The following CACNA1B variants were observed in gnomAD, a reference collection of about 807,000 sequenced individuals.
CACNA1B encodes the protein voltage-dependent N-type calcium channel subunit alpha-1B.
A neutral mutation model predicts 247.2 loss-of-function variants in CACNA1B; 70 were observed. The ratio of observed to expected loss-of-function variants is 0.28; its 90% CI spans 0.23 to 0.35. The LOEUF is 0.35. CACNA1B is among the 10% of genes least tolerant of loss of function. The pLI is 1.00. For synonymous variants in CACNA1B, 1,231 were observed against 1,294.4 expected, an observed-to-expected ratio of 0.95 and a Z score of 1.05; for missense variants, 2,367 against 3,197.4, an observed-to-expected ratio of 0.74 and a Z score of 6.26.
rs199714779 is a variant in CACNA1B at position 138,058,721 on chromosome 9, G to A, written c.4461G>A (p.Val1487=). 71 of 1,605,764 alleles carry A rather than the reference G, an allele frequency of 4.4e-5. No homozygotes were observed. Among genetic ancestry groups the A allele is most frequent in the Non-Finnish European group, 5.6e-5 (66 of 1,176,134 alleles). Reference sequence around the variant, plus strand: ...CCATGATAGCCCTCAACACTGTGGTGCTGATGATGAAGGTGTGTGGGGCTC... The same window carrying A: ...CCATGATAGCCCTCAACACTGTGGTACTGATGATGAAGGTGTGTGGGGCTC... ...IMAMIALNTV[V]LMMKFYDAPY... is the part of the protein sequence containing the mutation. Residue 1487 remains valine, a synonymous_variant, in exon 29 of 47, where the codon GTG becomes GTA. Transcript: ENST00000371372. The surrounding 1 kb of genome is among the most constrained non-coding windows in gnomAD (Gnocchi z 4.7).
chr9:137,878,769 G>T (rs1166441060), intron 1 of CACNA1B, among the ~76,000 whole-genome samples: 2 of 152,162 alleles, frequency 1.3e-5, no homozygotes, highest in Non-Finnish European at 2.9e-5. Flanking sequence ...CCCTGGAGTC[G>T]GGCGGAGCCG....
intron 3 of CACNA1B, among the ~76,000 whole-genome samples, chr9:137,901,471 G>T (rs188132965): frequency 6.6e-6 from 1 of 151,774 alleles, no homozygotes; most frequent in Non-Finnish European, 1.5e-5. Context: ...GATTACAGGC[G>T]CATACCACCA....
At chr9:137,933,424 A>G (rs1271810627) in intron 6 of CACNA1B, among the ~76,000 whole-genome samples, 3 of 152,156 alleles carry the variant, frequency 2.0e-5, no homozygotes, top group African/African-American at 7.2e-5. Context: ...GGCACCTGCA[A>G]TTTTAGCTCT....
intron 3 of CACNA1B, among the ~76,000 whole-genome samples, chr9:137,898,681 A>AT (rs1230815908): frequency 2.0e-5 from 3 of 150,952 alleles, no homozygotes; most frequent in African/African-American, 7.3e-5. Flanking sequence ...ACTTAAAAAA[A>AT]ATTTTTTTTT....
chr9:137,913,763 C>T lies in CACNA1B; in HGVS notation c.622+492C>T, dbSNP rs1957382494. On this transcript the variant is annotated intron_variant, in intron 4 of 46. Transcript: ENST00000371372. This position sits in a 1 kb window ranked among gnomAD's most constrained non-coding sequence, Gnocchi z 5.2. ...TGAGCAGGAGGATGGCCAGGGTGAC[C>T]TCATGAGCCAGTGACCACCTGGACC... 6.6e-6 allele frequency among the ~76,000 whole-genome samples: 1 copy of T among 152,188 alleles called. No individual in the cohort carries two copies. Among genetic ancestry groups the T allele is most frequent in the African/African-American group, 2.4e-5 (1 of 41,450 alleles).
intron 36 of CACNA1B, among the ~76,000 whole-genome samples, chr9:138,082,307 G>A (rs1402911760): frequency 6.6e-6 from 1 of 151,318 alleles, no homozygotes; most frequent in Non-Finnish European, 1.5e-5. Context: ...ATTTAACAGA[G>A]TTTAATTGAG....
chr9:137,893,542 T>C (rs987265058), intron 3 of CACNA1B, among the ~76,000 whole-genome samples: 3 of 151,424 alleles, frequency 2.0e-5, no homozygotes, highest in African/African-American at 7.3e-5. Flanking sequence ...TCCCACTTAC[T>C]CAGGGGGCTG....
chr9:137,989,924 G>A (rs905512766), intron 15 of CACNA1B, among the ~76,000 whole-genome samples: 8 of 152,178 alleles, frequency 5.3e-5, no homozygotes, highest in Non-Finnish European at 7.3e-5. Context: ...GGTCAGAATC[G>A]GATTAAGATG....
At chr9:137,905,895 C>A (rs1479955091) in intron 3 of CACNA1B, among the ~76,000 whole-genome samples, 1 of 152,346 alleles carries the variant, frequency 6.6e-6, no homozygotes, top group East Asian at 1.9e-4. Flanking sequence ...ACACTGTCAC[C>A]TCGGACCTGC....
At chr9:138,103,949 G>A (rs541759175) in intron 38 of CACNA1B, among the ~76,000 whole-genome samples, 1 of 152,326 alleles carries the variant, frequency 6.6e-6, no homozygotes, top group South Asian at 2.1e-4. Context: ...CATTGTGCCT[G>A]CCTGGGGGTT....
intron 6 of CACNA1B, among the ~76,000 whole-genome samples, chr9:137,922,166 A>AG (rs1957493131): frequency 7.6e-6 from 1 of 132,202 alleles, no homozygotes; most frequent in East Asian, 2.4e-4. Flanking sequence ...TCAACACCAC[A>AG]CCGCACAGCA....
chr9:137,891,724 A>G lies in CACNA1B; in HGVS notation c.530+8841A>G, dbSNP rs1174987579. The G allele has an allele frequency of 1.1e-5, 3 of 278,070 alleles. No homozygotes were observed. The highest frequency in any genetic ancestry group is 2.1e-4 in the East Asian group (2 of 9,618). The allele number at this position is 278,070 out of a possible 1,614,324, so 17.2% of individuals were successfully genotyped here. A position where few individuals can be genotyped will look rare whatever the true frequency, so the allele number is the denominator to read the frequency against. On this transcript the variant is annotated intron_variant, in intron 3 of 46. Transcript: ENST00000371372. This position sits in a 1 kb window ranked among gnomAD's most constrained non-coding sequence, Gnocchi z 4.3. ...CGGGCCCTGGACTAGAAGAGGTGAG[A>G]AGGCAGGTGCTGGCTGTGGGGCTGT...
chr9:138,017,091 T>C (rs1337007423), intron 18 of CACNA1B: 1 of 515,594 alleles, frequency 1.9e-6, no homozygotes, highest in Non-Finnish European at 3.9e-6. Context: ...CTCAGAACTC[T>C]GTCTCTGGTT....
At chr9:137,887,663 CGAGT>C (rs1318518538) in intron 3 of CACNA1B, among the ~76,000 whole-genome samples, 2 of 110,440 alleles carry the variant, frequency 1.8e-5, no homozygotes, top group African/African-American at 7.2e-5. Context: ...GGAGAGGGAG[CGAGT>C]GAGTGAGTGC....
Position 138,121,560 on chromosome 9 carries a change from C to T in CACNA1B, c.6581C>T (p.Pro2194Leu). The change falls in exon 47 of 47, where the codon CCC (proline) becomes CTC (leucine). Residue 2194 changes from proline (P) to leucine (L), a missense_variant. Physicochemically the swap from Pro to Leu is moderately conservative, Grantham distance 98. Transcript: ENST00000371372. This position sits in a 1 kb window ranked among gnomAD's most constrained non-coding sequence, Gnocchi z 6.8. ...RGGRRQLPQT[P>L]LTPRPSITYK... ...GGGCGGAGGCAGCTCCCCCAGACGC[C>T]CCTGACTCCCCGCCCCAGCATCACC... The T allele has an allele frequency of 6.2e-7, 1 of 1,607,322 alleles. No individual in the cohort carries two copies. Among genetic ancestry groups the T allele is most frequent in the Non-Finnish European group, 8.5e-7 (1 of 1,175,638 alleles).
At chr9:138,003,075 C>T (rs138075284) in intron 15 of CACNA1B, among the ~76,000 whole-genome samples, 2,207 of 151,552 alleles carry the variant, frequency 0.015, 77 homozygotes, top group African/African-American at 0.051. Context: ...GGATTACAAA[C>T]GTGAGCCACT....
intron 40 of CACNA1B, among the ~76,000 whole-genome samples, chr9:138,113,981 G>A (rs1401117701): frequency 6.7e-6 from 1 of 148,334 alleles, no homozygotes; most frequent in Non-Finnish European, 1.5e-5. Context: ...CCTTGTGGGA[G>A]ACGTGAGGGA....
chr9:138,054,016 G>T lies in CACNA1B; in HGVS notation c.3968+10G>T. On this transcript the variant is annotated intron_variant, in intron 26 of 46. Coordinates refer to ENST00000371372, the MANE Select transcript of CACNA1B (RefSeq NM_000718.4). This position sits in a 1 kb window ranked among gnomAD's most constrained non-coding sequence, Gnocchi z 4.6. Reference sequence around the variant, plus strand: ...TGGAGAGGGACTGCAGGTAAACTGAGGCAGGGTGCAAGGTGGGACACACAG... The same window carrying T: ...TGGAGAGGGACTGCAGGTAAACTGATGCAGGGTGCAAGGTGGGACACACAG... 1 of 1,613,622 alleles carries T rather than the reference G, an allele frequency of 6.2e-7. No homozygotes were observed. Among genetic ancestry groups the T allele is most frequent in the Non-Finnish European group, 8.5e-7 (1 of 1,179,558 alleles).
Position 137,990,712 on chromosome 9 carries a change from T to C in CACNA1B, c.1974+3858T>C, listed in dbSNP as rs1183642925. Among the ~76,000 whole-genome samples, 2 of 152,110 alleles carry C rather than the reference T, an allele frequency of 1.3e-5. No homozygotes were observed. The highest frequency in any genetic ancestry group is 4.8e-5 in the African/African-American group (2 of 41,394). ...CACAGAGTCCATTTCACTCCCCTGCTACCCCCACCAGAGCAGGTGCTGGTA... is the reference window on the plus strand; with the variant it reads ...CACAGAGTCCATTTCACTCCCCTGCCACCCCCACCAGAGCAGGTGCTGGTA... On this transcript the variant is annotated intron_variant, in intron 15 of 46. Coordinates refer to ENST00000371372, the MANE Select transcript of CACNA1B (RefSeq NM_000718.4). The surrounding 1 kb of genome is among the most constrained non-coding windows in gnomAD (Gnocchi z 4.5).
Sources: allele counts gnomAD v4.1 joint callset (sites outside exome capture counted in the v4.1 genomes callset), GRCh38; gene constraint gnomAD v4.1.1; non-coding constraint Gnocchi (gnomAD v3.1); transcripts MANE v1.5; gene names NCBI Gene and HGNC (gene_info 2026-07-23, HGNC 2026-07-21).